GRAMD1B: variants seen among roughly 807,000 people sequenced by gnomAD.
The protein encoded by GRAMD1B is protein Aster-B.
GRAMD1B carries 37 observed loss-of-function variants against 99.7 expected under a neutral mutation model. That is an observed-to-expected ratio of 0.37 (90% CI 0.29 to 0.49). GRAMD1B has a LOEUF of 0.49. Among genes scored for constraint, GRAMD1B ranks in the 20% least tolerant of loss-of-function variants. The probability of loss-of-function intolerance (pLI) is 0.98; values close to 1 mark genes in which losing one functional copy is unlikely to be tolerated. For missense variants in GRAMD1B, 888 were observed against 1,009.2 expected (o/e 0.88, Z 1.63); for synonymous variants, 427 against 387.6 (o/e 1.10, Z -1.19).
chr11:123,431,679 C>T (rs903556834), intron 1 of GRAMD1B, among the ~76,000 whole-genome samples: 3 of 152,222 alleles, frequency 2.0e-5, no homozygotes, highest in Non-Finnish European at 4.4e-5. Context: ...ACCGGATTGC[C>T]TTAACTGGCT....
intron 19 of GRAMD1B, among the ~76,000 whole-genome samples, chr11:123,620,025 C>G (rs1298376610): frequency 6.6e-6 from 1 of 152,148 alleles, no homozygotes; most frequent in South Asian, 2.1e-4. Flanking sequence ...ATTTTGTGAC[C>G]GTGAGCAAGG....
At chr11:123,513,378 T>C (rs1418978777) in intron 2 of GRAMD1B, among the ~76,000 whole-genome samples, 3 of 152,104 alleles carry the variant, frequency 2.0e-5, no homozygotes, top group East Asian at 1.9e-4. Flanking sequence ...GTCATAGTAC[T>C]ACCCTTTTTT....
intron 2 of GRAMD1B, among the ~76,000 whole-genome samples, chr11:123,494,623 T>C (rs1167918650): frequency 6.6e-6 from 1 of 152,114 alleles, no homozygotes; most frequent in East Asian, 1.9e-4. Context: ...ACTCTAGCCC[T>C]TCTTCTTTGT....
At chr11:123,473,344 G>A (rs188369037) in intron 1 of GRAMD1B, among the ~76,000 whole-genome samples, 4 of 152,264 alleles carry the variant, frequency 2.6e-5, no homozygotes, top group Admixed American at 6.5e-5. Flanking sequence ...GATTACAGGC[G>A]TGAGCCACCG....
At position 123,492,865 on chromosome 11, in the gene GRAMD1B, T is replaced by C. The variant is rs3016470; in HGVS notation, c.452+11972T>C. Among the ~76,000 whole-genome samples, 62,528 of 147,884 alleles carry C rather than the reference T, an allele frequency of 0.42. 14,851 individuals carry two copies. Among genetic ancestry groups the C allele is most frequent in the African/African-American group, 0.66 (26,182 of 39,956 alleles). The stretch of plus-strand genomic sequence containing the variant: ...TCTCTCTGTCTCTCTCTTTCACACA[T>C]ACACACACACACACACACACACACA... On this transcript the variant is annotated intron_variant, in intron 2 of 19. Coordinates refer to ENST00000635736, the MANE Select transcript of GRAMD1B (RefSeq NM_001387025.1). The surrounding 1 kb of genome is among the most constrained non-coding windows in gnomAD (Gnocchi z 4.2).
chr11:123,380,278 C>G (rs1036829757), intron 1 of GRAMD1B, among the ~76,000 whole-genome samples: 3 of 152,182 alleles, frequency 2.0e-5, no homozygotes, highest in Non-Finnish European at 4.4e-5. Context: ...TATGCCAATG[C>G]TTCTGAGAGT....
chr11:123,433,920 A>G (rs1788003062), intron 1 of GRAMD1B, among the ~76,000 whole-genome samples: 1 of 152,024 alleles, frequency 6.6e-6, no homozygotes, highest in Non-Finnish European at 1.5e-5. Context: ...TTAAGTGGTG[A>G]CTTTTGGATT....
chr11:123,418,043 G>A (rs1282462424), intron 1 of GRAMD1B, among the ~76,000 whole-genome samples: 3 of 152,164 alleles, frequency 2.0e-5, no homozygotes, highest in Admixed American at 2.0e-4. Context: ...GGGATTATAG[G>A]AATGAACCAC....
At chr11:123,463,058 G>T (rs1269999031) in intron 1 of GRAMD1B, among the ~76,000 whole-genome samples, 9 of 152,090 alleles carry the variant, frequency 5.9e-5, no homozygotes, top group Non-Finnish European at 4.4e-5. Context: ...ACCCAGGCTG[G>T]AGTGCGATGG....
intron 10 of GRAMD1B, 39 bp downstream of exon 10, chr11:123,605,517 G>A: frequency 1.3e-6 from 2 of 1,543,312 alleles, no homozygotes; most frequent in Non-Finnish European, 1.8e-6. Flanking sequence ...CCCCAGTCCT[G>A]TGGCCAGCGT....
chr11:123,397,608 T>A (rs1220224470), intron 1 of GRAMD1B, among the ~76,000 whole-genome samples: 1 of 152,100 alleles, frequency 6.6e-6, no homozygotes, highest in Non-Finnish European at 1.5e-5. Context: ...GCTTAAGTGA[T>A]CCTCCTGCCT....
intron 1 of GRAMD1B, among the ~76,000 whole-genome samples, chr11:123,440,688 G>T (rs557398386): frequency 5.4e-4 from 82 of 152,326 alleles, no homozygotes; most frequent in Non-Finnish European, 1.1e-3. Flanking sequence ...ATAAAGAAAA[G>T]AAGTTTATTT....
intron 4 of GRAMD1B, among the ~76,000 whole-genome samples, chr11:123,589,121 A>G (rs956752726): frequency 6.6e-6 from 1 of 151,466 alleles, no homozygotes; most frequent in Non-Finnish European, 1.5e-5. Context: ...TCAGGTGTGG[A>G]GTCTTCTGCT....
At position 123,614,820 on chromosome 11, in the gene GRAMD1B, T is replaced by G; in HGVS notation, c.2303T>G (p.Leu768Arg). 1 of 1,605,654 alleles carries G rather than the reference T, an allele frequency of 6.2e-7. No individual in the cohort carries two copies. The highest frequency in any genetic ancestry group is 8.5e-7 in the Non-Finnish European group (1 of 1,172,632). The change falls in exon 17 of 20, where the codon CTG becomes CGG. Residue 768 changes from leucine to arginine, a missense_variant. Transcript: ENST00000635736. ...FHLQSVSKLL[L>R]VISCVLVLLV... ...CTGCAGAGCGTGTCCAAGCTGCTGC[T>G]GGTTATCAGCTGTGTGTAAGGGATT...
In GRAMD1B at chr11:123,492,056, G is replaced by A; in HGVS notation, c.452+11163G>A. On this transcript the variant is annotated intron_variant, in intron 2 of 19. Coordinates refer to ENST00000635736, the MANE Select transcript of GRAMD1B (RefSeq NM_001387025.1). This position sits in a 1 kb window ranked among gnomAD's most constrained non-coding sequence, Gnocchi z 4.2. Reference sequence around the variant, plus strand: ...GGTCCCTGCCCAAGAGGGACACTCGGTGATCCATTGCAAGAGGCTGAAGGG... The same window carrying A: ...GGTCCCTGCCCAAGAGGGACACTCGATGATCCATTGCAAGAGGCTGAAGGG... 1 of 395,606 alleles carries A rather than the reference G, an allele frequency of 2.5e-6. No individual in the cohort carries two copies. The highest frequency in any genetic ancestry group is 4.5e-6 in the Non-Finnish European group (1 of 224,390). 24.5% of individuals were successfully genotyped at this position (395,606 alleles called of 1,614,324 possible).
intron 17 of GRAMD1B, among the ~76,000 whole-genome samples, chr11:123,616,379 A>G (rs984685637): frequency 9.9e-5 from 15 of 152,248 alleles, no homozygotes; most frequent in African/African-American, 3.4e-4. Flanking sequence ...ACACTTAGCA[A>G]CATCGATTTA....
intron 12 of GRAMD1B, 62 bp from the exon 13 acceptor site, chr11:123,609,733 C>A (rs1320446441): frequency 1.5e-5 from 15 of 1,002,970 alleles, no homozygotes; most frequent in Non-Finnish European, 2.3e-5. Context: ...GGAGGGGAAA[C>A]TTGGATTGGG....
intron 2 of GRAMD1B, among the ~76,000 whole-genome samples, chr11:123,488,363 G>A (rs561763177): frequency 1.3e-5 from 2 of 152,302 alleles, no homozygotes; most frequent in South Asian, 4.1e-4. Context: ...CTCCGGGGCT[G>A]TGGAGGATGG....
At chr11:123,526,090 C>G in intron 2 of GRAMD1B, 2 of 1,481,324 alleles carry the variant, frequency 1.4e-6, no homozygotes, top group Non-Finnish European at 1.9e-6. Context: ...GTCCTGGGAC[C>G]TCCGGAGCTG....
Sources: gnomAD v4.1 joint callset for allele counts (sites outside exome capture counted in the v4.1 genomes callset) on GRCh38, gnomAD v4.1.1 for gene constraint, Gnocchi (gnomAD v3.1) non-coding constraint, MANE v1.5 for transcripts, NCBI Gene and HGNC (gene_info 2026-07-23, HGNC 2026-07-21) for gene names.